The following PTPRG variants were observed in gnomAD, a reference collection of about 807,000 sequenced individuals.
PTPRG encodes receptor-type tyrosine-protein phosphatase gamma.
In PTPRG, 102 loss-of-function variants were observed where a neutral mutation model predicts 165.3. That is an observed-to-expected ratio of 0.62 (90% CI 0.53 to 0.73). PTPRG has a LOEUF of 0.73. Among genes scored for constraint, PTPRG ranks in the 30% least tolerant of loss-of-function variants. The probability of loss-of-function intolerance (pLI) is 0.00; values close to 1 mark genes in which losing one functional copy is unlikely to be tolerated. For missense variants in PTPRG, 1,866 were observed against 1,861.4 expected, an observed-to-expected ratio of 1.00 and a Z score of -0.05; for synonymous variants, 675 against 669.5, an observed-to-expected ratio of 1.01 and a Z score of -0.13.
chr3:62,119,827 G>C (rs1207032019), intron 5 of PTPRG, among the ~76,000 whole-genome samples: 1 of 148,604 alleles, frequency 6.7e-6, no homozygotes, highest in African/African-American at 2.5e-5. Flanking sequence ...GTAGAGGCGG[G>C]GTTTCACCAT....
At chr3:61,912,475 A>G (rs1296040692) in intron 2 of PTPRG, among the ~76,000 whole-genome samples, 3 of 152,168 alleles carry the variant, frequency 2.0e-5, no homozygotes, top group Non-Finnish European at 2.9e-5. Flanking sequence ...GCAAAGCTTC[A>G]CTTATGTATG....
chr3:61,677,404 C>G (rs538274054), intron 1 of PTPRG, among the ~76,000 whole-genome samples: 1 of 152,174 alleles, frequency 6.6e-6, no homozygotes, highest in Non-Finnish European at 1.5e-5. Context: ...TGTGAGGAAA[C>G]GAGGCCTAGA....
chr3:62,218,710 G>T (rs897568650), intron 12 of PTPRG, 141 bp from the exon 13 acceptor site: 3 of 1,081,442 alleles, frequency 2.8e-6, no homozygotes, highest in Non-Finnish European at 3.9e-6. Context: ...GCTGCGGATT[G>T]CCCCTCCTGT....
Position 61,822,002 on chromosome 3 carries a change from CCTT to C in PTPRG, c.190+73022_190+73024del, listed in dbSNP as rs1265626519. ...ATGCATCATAGTAATCTATCTTCCTCCTTCATCATCAGGGATTAAGTAACTGCA... is the reference window on the plus strand; with the variant it reads ...ATGCATCATAGTAATCTATCTTCCTCCATCATCAGGGATTAAGTAACTGCA... On this transcript the variant is annotated intron_variant, in intron 2 of 29. Transcript: ENST00000474889. 7.9e-5 allele frequency among the ~76,000 whole-genome samples: 12 copies of C among 152,328 alleles called. No individual in the cohort carries two copies. The South Asian group carries it at 1.7e-3, about 21-fold the overall frequency.
chr3:62,139,081 T>C lies in PTPRG; in HGVS notation c.682+6413T>C, dbSNP rs188093078. ...CTCTTTTCCCACCCCTTCCTCACTGTCACTTTCCTCTCCTGGAGAATGTAC... is the reference window on the plus strand; with the variant it reads ...CTCTTTTCCCACCCCTTCCTCACTGCCACTTTCCTCTCCTGGAGAATGTAC... On this transcript the variant is annotated intron_variant, in intron 6 of 29. Transcript: ENST00000474889. 1.1e-3 allele frequency among the ~76,000 whole-genome samples: 175 copies of C among 152,326 alleles called. 2 individuals carry two copies. The East Asian group carries it at 0.027, about 24-fold the overall frequency.
At chr3:62,066,177 G>A (rs997551155) in intron 4 of PTPRG, among the ~76,000 whole-genome samples, 4 of 152,108 alleles carry the variant, frequency 2.6e-5, no homozygotes, top group South Asian at 2.1e-4. Context: ...AATTCATGAC[G>A]TCATCATTTC....
chr3:62,192,650 A>G (rs1343299334), intron 9 of PTPRG, among the ~76,000 whole-genome samples: 1 of 151,840 alleles, frequency 6.6e-6, no homozygotes, highest in South Asian at 2.1e-4. Flanking sequence ...TGACCTCATG[A>G]TCCGCCCACC....
At chr3:61,642,792 G>A (rs372301829) in intron 1 of PTPRG, among the ~76,000 whole-genome samples, 1 of 152,176 alleles carries the variant, frequency 6.6e-6, no homozygotes, top group African/African-American at 2.4e-5. Flanking sequence ...ATGAGGGGAA[G>A]TTGATGGAGT....
intron 6 of PTPRG, among the ~76,000 whole-genome samples, chr3:62,138,009 A>G (rs1437692912): frequency 1.3e-5 from 2 of 152,180 alleles, no homozygotes; most frequent in Admixed American, 6.5e-5. Flanking sequence ...TCAATTGGTC[A>G]TTGTCAACTT....
At chr3:62,231,822 GT>G (rs1298674954) in intron 14 of PTPRG, among the ~76,000 whole-genome samples, 73 of 143,254 alleles carry the variant, frequency 5.1e-4, no homozygotes, top group African/African-American at 4.1e-4. Context: ...TGGTGAAGTT[GT>G]TTTTTTTTTT....
At chr3:61,590,206 A>G (rs1279671367) in intron 1 of PTPRG, among the ~76,000 whole-genome samples, 1 of 128,328 alleles carries the variant, frequency 7.8e-6, no homozygotes, top group African/African-American at 3.0e-5. Context: ...GTTGGCATTT[A>G]TTTTTTTCTT....
At chr3:61,787,273 A>G (rs754069630) in intron 2 of PTPRG, among the ~76,000 whole-genome samples, 5 of 152,206 alleles carry the variant, frequency 3.3e-5, no homozygotes, top group Admixed American at 1.3e-4. Flanking sequence ...TATTTCCTGT[A>G]AATGATTAAG....
At chr3:61,954,906 G>A (rs759192651) in intron 2 of PTPRG, among the ~76,000 whole-genome samples, 1 of 152,216 alleles carries the variant, frequency 6.6e-6, no homozygotes, top group Non-Finnish European at 1.5e-5. Flanking sequence ...TTGCATGCAT[G>A]TGAGTTTGAT....
At chr3:61,986,580 A>G (rs1395821460) in intron 2 of PTPRG, among the ~76,000 whole-genome samples, 1 of 152,126 alleles carries the variant, frequency 6.6e-6, no homozygotes, top group African/African-American at 2.4e-5. Flanking sequence ...TCAAAATCTC[A>G]TTTCTTTAAG....
At chr3:61,635,766 C>G (rs1027822178) in intron 1 of PTPRG, among the ~76,000 whole-genome samples, 4 of 152,134 alleles carry the variant, frequency 2.6e-5, no homozygotes, top group Non-Finnish European at 5.9e-5. Context: ...GGTAGCCTAT[C>G]TCCACATTTT....
chr3:61,981,078 C>T (rs991372642), intron 2 of PTPRG, among the ~76,000 whole-genome samples: 4 of 152,192 alleles, frequency 2.6e-5, no homozygotes, highest in African/African-American at 4.8e-5. Flanking sequence ...GGGGAGGCCT[C>T]GGGGAACTTA....
intron 2 of PTPRG, among the ~76,000 whole-genome samples, chr3:61,926,508 G>A (rs1216378805): frequency 6.6e-6 from 1 of 151,318 alleles, no homozygotes; most frequent in African/African-American, 2.4e-5. Flanking sequence ...ATCCTGTACA[G>A]GCTGCAGAAC....
chr3:62,189,846 G>A (rs2106800814), intron 8 of PTPRG, among the ~76,000 whole-genome samples: 1 of 152,286 alleles, frequency 6.6e-6, no homozygotes, highest in Middle Eastern at 3.4e-3. Context: ...GTTCAAATCT[G>A]GCCCCAAGGC....
At chr3:62,170,140 T>A (rs1432429824) in intron 8 of PTPRG, among the ~76,000 whole-genome samples, 1 of 152,100 alleles carries the variant, frequency 6.6e-6, no homozygotes, top group Non-Finnish European at 1.5e-5. Context: ...GTCAAGGGCA[T>A]CATTCTCTGG....
Sources: gnomAD v4.1 joint callset for allele counts (sites outside exome capture counted in the v4.1 genomes callset) on GRCh38, gnomAD v4.1.1 for gene constraint, MANE v1.5 for transcripts, NCBI Gene and HGNC (gene_info 2026-07-23, HGNC 2026-07-21) for gene names.